CSMD2: variants seen among roughly 807,000 people sequenced by gnomAD.
CSMD2 encodes the protein CUB and sushi domain-containing protein 2.
In CSMD2, 130 loss-of-function variants were observed where a neutral mutation model predicts 398.5. The observed-to-expected ratio is 0.33, with a 90% CI of 0.28 to 0.38. The LOEUF (loss-of-function observed/expected upper bound fraction) is 0.38, where lower values mean the gene tolerates loss of function less well. CSMD2 is among the 10% of genes least tolerant of loss of function. The pLI, the probability that CSMD2 is intolerant of heterozygous loss-of-function variation, is 1.00. For synonymous variants in CSMD2, 1,828 were observed against 1,908.5 expected, an observed-to-expected ratio of 0.96 and a Z score of 1.10; for missense variants, 3,829 against 4,764.9, an observed-to-expected ratio of 0.80 and a Z score of 5.78.
At position 33,716,339 on chromosome 1, in the gene CSMD2, C is replaced by T. The variant is rs775653058; in HGVS notation, c.3164G>A (p.Arg1055His). ...GLYGNFTAQV[R>H]FISDFSMSYE... ...TGACATGGAGAAATCAGAGATGAAG[C>T]GGACCTGGGCAGTGAAGTTGCCATA... The change falls in exon 20 of 71, where the codon CGC becomes CAC. Residue 1055 changes from arginine to histidine, a missense_variant. Transcript: ENST00000373381. 1.7e-5 allele frequency: 27 copies of T among 1,614,096 alleles called. No homozygotes were observed. Among genetic ancestry groups the T allele is most frequent in the African/African-American group, 4.0e-5 (3 of 75,000 alleles).
At chr1:33,585,377 G>A (rs1466371572) in intron 46 of CSMD2, among the ~76,000 whole-genome samples, 4 of 152,218 alleles carry the variant, frequency 2.6e-5, no homozygotes, top group African/African-American at 9.7e-5. Flanking sequence ...CTTCAGAGAA[G>A]TGGGGCTTGG....
chr1:34,156,278 G>T (rs191484793), intron 1 of CSMD2, among the ~76,000 whole-genome samples: 1 of 152,214 alleles, frequency 6.6e-6, no homozygotes, highest in Non-Finnish European at 1.5e-5. Flanking sequence ...AGCAATGAAG[G>T]TTGGTAGGTA....
chr1:33,771,558 T>C (rs1304096431), intron 13 of CSMD2, among the ~76,000 whole-genome samples: 2 of 151,974 alleles, frequency 1.3e-5, no homozygotes, highest in Non-Finnish European at 1.5e-5. Context: ...TTTTTTTTTT[T>C]CATTTAAAAA....
At chr1:34,165,296 C>T (rs1389584952), upstream of CSMD2, 4 of 1,202,374 alleles carry the variant, frequency 3.3e-6, no homozygotes, top group South Asian at 7.8e-5. Context: ...GCTCCAATCC[C>T]GCTTCGCGGG....
At chr1:34,081,567 C>T (rs570116257) in intron 2 of CSMD2, among the ~76,000 whole-genome samples, 37 of 152,256 alleles carry the variant, frequency 2.4e-4, no homozygotes, top group African/African-American at 5.3e-4. Context: ...CGCAGGCGCG[C>T]GCCGCCACGC....
At chr1:34,090,168 T>A (rs1212505140) in intron 1 of CSMD2, among the ~76,000 whole-genome samples, 1 of 152,220 alleles carries the variant, frequency 6.6e-6, no homozygotes, top group African/African-American at 2.4e-5. Flanking sequence ...GACCTCACTG[T>A]GCACACGCAT....
intron 29 of CSMD2, among the ~76,000 whole-genome samples, chr1:33,645,241 T>C (rs1272857299): frequency 6.6e-6 from 1 of 152,052 alleles, no homozygotes; most frequent in East Asian, 1.9e-4. Context: ...CCCATTTGTA[T>C]GCTCAGGCTG....
At chr1:34,128,783 C>T (rs999565864) in intron 1 of CSMD2, among the ~76,000 whole-genome samples, 1 of 152,146 alleles carries the variant, frequency 6.6e-6, no homozygotes, top group Admixed American at 6.5e-5. Flanking sequence ...GGAGGGGCGT[C>T]GTCCCTAAAC....
chr1:33,753,636 T>C (rs1557841859), intron 13 of CSMD2, among the ~76,000 whole-genome samples: 1 of 152,174 alleles, frequency 6.6e-6, no homozygotes, highest in African/African-American at 2.4e-5. Context: ...GGTAGAGTCA[T>C]GGCAAGCTTG....
chr1:33,783,169 G>A (rs1202562665), intron 12 of CSMD2, among the ~76,000 whole-genome samples: 1 of 152,086 alleles, frequency 6.6e-6, no homozygotes, highest in Non-Finnish European at 1.5e-5. Flanking sequence ...GGTGCTGTTC[G>A]TGAAGATGGG....
intron 3 of CSMD2, among the ~76,000 whole-genome samples, chr1:33,962,504 T>C (rs188916433): frequency 6.6e-6 from 1 of 152,268 alleles, no homozygotes; most frequent in African/African-American, 2.4e-5. Flanking sequence ...ACATCTGATT[T>C]ACAAGGAACC....
intron 45 of CSMD2, 46 bp from the exon 46 acceptor site, chr1:33,586,663 C>G (rs1639099652): frequency 7.9e-7 from 1 of 1,270,832 alleles, no homozygotes; most frequent in African/African-American, 1.5e-5. Context: ...GAAGTCCAGT[C>G]ATTAGTACCT....
intron 2 of CSMD2, among the ~76,000 whole-genome samples, chr1:34,081,514 C>G (rs1047258008): frequency 6.6e-6 from 1 of 152,078 alleles, no homozygotes; most frequent in East Asian, 1.9e-4. Flanking sequence ...ACTGCAACCT[C>G]CCTGCCTGAT....
intron 2 of CSMD2, among the ~76,000 whole-genome samples, chr1:34,071,894 A>G (rs958663466): frequency 6.6e-6 from 1 of 152,284 alleles, no homozygotes; most frequent in Non-Finnish European, 1.5e-5. Context: ...CATCTCCAGC[A>G]TCATTCAATC....
At chr1:33,541,452 T>G in intron 58 of CSMD2, 143 bp from the exon 59 acceptor site, 1 of 671,002 alleles carries the variant, frequency 1.5e-6, no homozygotes. Context: ...GGATCCCAGT[T>G]GGACATTACC....
intron 29 of CSMD2, 61 bp downstream of exon 29, chr1:33,646,587 C>A: frequency 6.4e-7 from 1 of 1,568,800 alleles, no homozygotes; most frequent in Non-Finnish European, 8.7e-7. Flanking sequence ...CGCTACACTA[C>A]TTGCCCTCTG....
rs1641705593 is a variant in CSMD2 at position 34,164,702 on chromosome 1, T to TGAGGGTGAGGGTGGAGGTGAGGAC, written c.187+185_187+208dup. Among the ~76,000 whole-genome samples the TGAGGGTGAGGGTGGAGGTGAGGAC allele has an allele frequency of 6.8e-6, 1 of 146,690 alleles. No individual in the cohort carries two copies. Among genetic ancestry groups the TGAGGGTGAGGGTGGAGGTGAGGAC allele is most frequent in the South Asian group, 2.2e-4 (1 of 4,582 alleles). ...GTTGCGGCTGGGGTTGGGGCAGCAG[T>TGAGGGTGAGGGTGGAGGTGAGGAC]GAGGGTGAGGGTGGAGGTGAGGACG... On this transcript the variant is annotated intron_variant, in intron 1 of 70. Transcript: ENST00000373381. This position sits in a 1 kb window ranked among gnomAD's most constrained non-coding sequence, Gnocchi z 6.2.
At position 33,519,881 on chromosome 1, in the gene CSMD2, G is replaced by C; in HGVS notation, c.10667C>G (p.Ala3556Gly). ...GATGAAAGGCACCAGGATCGCGGCT[G>C]CCACTGAGCTGCTGTTGGAAGCAAA... Reference protein sequence around the residue: ...RHFASNSSSVAAAILVPFIAL... With the variant: ...RHFASNSSSVGAAILVPFIAL... The change falls in exon 69 of 71, where the codon GCA becomes GGA. Residue 3556 changes from alanine to glycine, a missense_variant. Coordinates refer to ENST00000373381, the MANE Select transcript of CSMD2 (RefSeq NM_001281956.2). This position sits in a 1 kb window ranked among gnomAD's most constrained non-coding sequence, Gnocchi z 5.6. 1.2e-6 allele frequency: 2 copies of C among 1,614,172 alleles called. No individual in the cohort carries two copies. The highest frequency in any genetic ancestry group is 1.7e-6 in the Non-Finnish European group (2 of 1,180,032).
chr1:34,062,673 G>T (rs948299100), intron 2 of CSMD2, among the ~76,000 whole-genome samples: 1 of 152,224 alleles, frequency 6.6e-6, no homozygotes, highest in Admixed American at 6.5e-5. Context: ...CAACATCTGT[G>T]GCTGAACCTG....
Sources: allele counts gnomAD v4.1 joint callset (sites outside exome capture counted in the v4.1 genomes callset), GRCh38; gene constraint gnomAD v4.1.1; non-coding constraint Gnocchi (gnomAD v3.1); transcripts MANE v1.5; gene names NCBI Gene and HGNC (gene_info 2026-07-23, HGNC 2026-07-21).